Variants in IL1RAPL1 observed in about 807,000 individuals in gnomAD.
IL1RAPL1 encodes the protein interleukin 1 receptor accessory protein like 1.
Under a neutral mutation model 48.4 loss-of-function variants are expected in IL1RAPL1, and 3 were observed. The observed-to-expected ratio is 0.06, with a 90% CI of 0.03 to 0.16. The LOEUF (loss-of-function observed/expected upper bound fraction) is 0.16. IL1RAPL1 is among the 10% of genes least tolerant of loss of function. The pLI is 1.00. For synonymous variants in IL1RAPL1, 185 were observed against 187.7 expected (o/e 0.99, Z 0.12); for missense variants, 349 against 530.6 (o/e 0.66, Z 3.36).
intron 5 of IL1RAPL1, among the ~76,000 whole-genome samples, chrX:29,432,899 GT>G (rs1934438023): frequency 9.0e-6 from 1 of 111,379 alleles, no homozygotes. Context: ...TTTTTTGTGT[GT>G]GTTTAAACAA....
chrX:29,557,429 G>A lies in IL1RAPL1; in HGVS notation c.704-111001G>A, dbSNP rs138547235. On this transcript the variant is annotated intron_variant, in intron 5 of 10. Transcript: ENST00000378993. Reference sequence around the variant, plus strand: ...ATGTATTTAAAGTGTACAACACGATGTTTCGATGTAAGCATACATTGTGAA... The same window carrying A: ...ATGTATTTAAAGTGTACAACACGATATTTCGATGTAAGCATACATTGTGAA... 4.7e-3 allele frequency among the ~76,000 whole-genome samples: 521 copies of A among 111,886 alleles called. 4 individuals carry two copies. The highest frequency in any genetic ancestry group is 0.016 in the African/African-American group (501 of 30,859).
Position 29,039,881 on chromosome X carries a change from C to T in IL1RAPL1, c.83-243057C>T, listed in dbSNP as rs765265464. ...TAAAGTTGCCTGATTTAGCATCCCT[C>T]AGGAGATATGCTTCCACCATACCCT... On this transcript the variant is annotated intron_variant, in intron 2 of 10. Transcript: ENST00000378993. Among the ~76,000 whole-genome samples the T allele has an allele frequency of 6.8e-4, 74 of 109,251 alleles. 1 individual carries two copies. The highest frequency in any genetic ancestry group is 5.1e-4 in the Non-Finnish European group (27 of 52,608). 94.9% of individuals were successfully genotyped at this position (109,251 alleles called of 115,157 possible). A position where few individuals can be genotyped will look rare whatever the true frequency, so the allele number is the denominator to read the frequency against.
chrX:29,629,968 T>G (rs1438695354), intron 5 of IL1RAPL1, among the ~76,000 whole-genome samples: 2 of 112,171 alleles, frequency 1.8e-5, no homozygotes, highest in Non-Finnish European at 3.8e-5. Context: ...TTCTTTCCTT[T>G]AAAATATTTT....
chrX:29,821,086 G>A (rs954728889), intron 6 of IL1RAPL1, among the ~76,000 whole-genome samples: 6 of 111,779 alleles, frequency 5.4e-5, no homozygotes, highest in Non-Finnish European at 7.5e-5. Flanking sequence ...AATAGCTGAC[G>A]TTGAAAAGAA....
chrX:29,639,173 G>C (rs1420586952), intron 5 of IL1RAPL1, among the ~76,000 whole-genome samples: 1 of 98,942 alleles, frequency 1.0e-5, no homozygotes, highest in Non-Finnish European at 2.0e-5. Flanking sequence ...GCGACAAAGC[G>C]AGACTCCGTC....
chrX:29,616,342 ATTATAC>A (rs1924285047), intron 5 of IL1RAPL1, among the ~76,000 whole-genome samples: 1 of 106,825 alleles, frequency 9.4e-6, no homozygotes, highest in Non-Finnish European at 1.9e-5. Context: ...TTTTTATTAT[ATTATAC>A]TTTAAGTTTT....
chrX:29,633,506 T>C (rs1301136369), intron 5 of IL1RAPL1, among the ~76,000 whole-genome samples: 5 of 108,383 alleles, frequency 4.6e-5, no homozygotes, highest in African/African-American at 1.7e-4. Context: ...CACACACATA[T>C]ATATGATAGA....
At chrX:29,908,589 G>A (rs1248950742) in intron 6 of IL1RAPL1, among the ~76,000 whole-genome samples, 1 of 110,566 alleles carries the variant, frequency 9.0e-6, no homozygotes, top group African/African-American at 3.3e-5. Context: ...TGATCTATAG[G>A]ATAGTGAGTC....
chrX:29,479,948 T>C (rs774753203), intron 5 of IL1RAPL1, among the ~76,000 whole-genome samples: 1 of 111,317 alleles, frequency 9.0e-6, no homozygotes, highest in East Asian at 2.8e-4. Context: ...TTCTATATCT[T>C]TGCAATTGCG....
At chrX:29,154,771 T>A (rs769759087) in intron 2 of IL1RAPL1, among the ~76,000 whole-genome samples, 3 of 111,442 alleles carry the variant, frequency 2.7e-5, no homozygotes, top group Non-Finnish European at 5.7e-5. Context: ...AGAACCAGAA[T>A]GTATAAAGGT....
intron 2 of IL1RAPL1, among the ~76,000 whole-genome samples, chrX:29,227,039 C>G (rs1199454348): frequency 9.2e-6 from 1 of 108,166 alleles, no homozygotes; most frequent in Non-Finnish European, 1.9e-5. Flanking sequence ...ACATTTGAAT[C>G]ACCTGCGTGG....
chrX:29,608,756 G>A (rs1433999549), intron 5 of IL1RAPL1, among the ~76,000 whole-genome samples: 1 of 103,658 alleles, frequency 9.6e-6, no homozygotes, highest in African/African-American at 3.6e-5. Flanking sequence ...AACCTGGGAG[G>A]CGGAGCTTGC....
chrX:29,566,443 TA>T (rs993868147), intron 5 of IL1RAPL1, among the ~76,000 whole-genome samples: 1 of 111,176 alleles, frequency 9.0e-6, no homozygotes, highest in African/African-American at 3.3e-5. Flanking sequence ...AAAAAAAAAT[TA>T]AAACACAAAA....
At chrX:29,534,408 A>G (rs1270606443) in intron 5 of IL1RAPL1, among the ~76,000 whole-genome samples, 1 of 112,358 alleles carries the variant, frequency 8.9e-6, no homozygotes, top group African/African-American at 3.2e-5. Context: ...TATATGTCAT[A>G]AGGAATAAAA....
chrX:29,342,114 G>A (rs1435511733), intron 3 of IL1RAPL1, among the ~76,000 whole-genome samples: 1 of 42,245 alleles, frequency 2.4e-5, no homozygotes, highest in Non-Finnish European at 4.9e-5. Context: ...GCCTTGTTTT[G>A]TGTGTGTGTG....
In IL1RAPL1 at chrX:29,217,734, T is replaced by C. The variant is rs547326174; in HGVS notation, c.83-65204T>C. Among the ~76,000 whole-genome samples the C allele has an allele frequency of 2.5e-4, 27 of 106,131 alleles. No homozygotes were observed. The South Asian group carries it at 0.011, about 41-fold the overall frequency. 92.2% of individuals were successfully genotyped at this position (106,131 alleles called of 115,157 possible). ...TTGAACTTAGAAAACACAAATCATC[T>C]ATATTAAAATTTATACATTTTTTCT... On this transcript the variant is annotated intron_variant, in intron 2 of 10. Transcript: ENST00000378993.
intron 2 of IL1RAPL1, among the ~76,000 whole-genome samples, chrX:28,824,674 C>A (rs1168342236): frequency 9.0e-6 from 1 of 111,229 alleles, no homozygotes. Flanking sequence ...TAAATAATAG[C>A]ATTACTGTGA....
chrX:29,313,322 CT>C (rs1300599797), intron 3 of IL1RAPL1, among the ~76,000 whole-genome samples: 3 of 109,391 alleles, frequency 2.7e-5, no homozygotes, highest in East Asian at 2.9e-4. Context: ...CATAGTCTGT[CT>C]TTTCCCAACT....
At chrX:28,619,965 G>T (rs1426963898) in intron 1 of IL1RAPL1, among the ~76,000 whole-genome samples, 1 of 111,149 alleles carries the variant, frequency 9.0e-6, no homozygotes, top group African/African-American at 3.3e-5. Context: ...TCTAAGGGGG[G>T]CATAAAGAAG....
Sources: gnomAD v4.1 joint callset for allele counts (sites outside exome capture counted in the v4.1 genomes callset) on GRCh38, gnomAD v4.1.1 for gene constraint, MANE v1.5 for transcripts, NCBI Gene and HGNC (gene_info 2026-07-23, HGNC 2026-07-21) for gene names.